Variants in CDK11B observed in about 807,000 individuals in gnomAD.
CDK11B encodes cyclin dependent kinase 11B, also known as cyclin-dependent kinase 11B.
Under a neutral mutation model 84.0 loss-of-function variants are expected in CDK11B, and 37 were observed. That is an observed-to-expected ratio of 0.44 (90% confidence interval 0.34 to 0.58). The LOEUF is 0.58. CDK11B is among the 20% of genes least tolerant of loss of function. The pLI is 0.02. For missense variants in CDK11B, 427 were observed against 834.0 expected (o/e 0.51, Z 6.01); for synonymous variants, 269 against 309.8 (o/e 0.87, Z 1.38).
At chr1:1,650,666 T>TC in intron 4 of CDK11B, among the ~76,000 whole-genome samples, 1 of 15,298 alleles carries the variant, frequency 6.5e-5, no homozygotes, top group East Asian at 1.7e-3. Context: ...CGCCCGGCCT[T>TC]TTTTTTTTTT....
At chr1:1,652,748 T>C (rs1412260291) in intron 3 of CDK11B, among the ~76,000 whole-genome samples, 182 bp from the exon 4 acceptor site, 1 of 152,228 alleles carries the variant, frequency 6.6e-6, no homozygotes, top group Non-Finnish European at 1.5e-5. Flanking sequence ...TTTTTCTTTT[T>C]TTTAGACAGT....
Position 1,637,106 on chromosome 1 carries a change from A to G in CDK11B, c.1667T>C (p.Leu556Pro), listed in dbSNP as rs1639452922. 1 of 1,613,520 alleles carries G rather than the reference A, an allele frequency of 6.2e-7. No individual in the cohort carries two copies. ...CTTGAGGATGCCGGCGTGGCTCAGC[A>G]GCAGGTTGGACGTCTTGAGGTCACG... is the stretch of plus-strand genomic sequence containing the variant. The part of the protein sequence containing the change: ...LHRDLKTSNL[L>P]LSHAGILKVG... Residue 556 changes from leucine (L) to proline (P), a missense_variant, in exon 15 of 20, where the codon CTG becomes CCG. Transcript: ENST00000341832.
At chr1:1,653,934 G>A (rs4648761) in intron 3 of CDK11B, among the ~76,000 whole-genome samples, 51,393 of 151,142 alleles carry the variant, frequency 0.34, 9,610 homozygotes, top group African/African-American at 0.49. Context: ...ACTTGAACCC[G>A]GGAGCTGGAG....
chr1:1,652,440 C>G lies in CDK11B; in HGVS notation c.354G>C (p.Gly118=). ...KRRHRSHSAE[G]GKHARVKEKE... ...CAAAGAAAGTAAATGCTTCTGTACC[C>G]CCTTCTGCTGAATGGCTACGATGCC... The change falls in exon 4 of 20, where the codon GGG becomes GGC. Residue 118 remains glycine, a splice_region_variant and synonymous_variant. Coordinates refer to ENST00000341832, the MANE Select transcript of CDK11B (RefSeq NM_033486.3). 1 of 1,497,980 alleles carries G rather than the reference C, an allele frequency of 6.7e-7. No homozygotes were observed. Among genetic ancestry groups the G allele is most frequent in the South Asian group, 1.4e-5 (1 of 71,144 alleles). 92.8% of individuals were successfully genotyped at this position (1,497,980 alleles called of 1,614,324 possible).
chr1:1,657,413 C>T lies in CDK11B; in HGVS notation c.73G>A (p.Glu25Lys), dbSNP rs1456532562. 1 of 1,580,720 alleles carries T rather than the reference C, an allele frequency of 6.3e-7. No individual in the cohort carries two copies. Among genetic ancestry groups the T allele is most frequent in the South Asian group, 1.2e-5 (1 of 86,266 alleles). The change falls in exon 2 of 20, where the codon GAA becomes AAA. Residue 25 changes from glutamate (E) to lysine (K), a missense_variant. Coordinates refer to ENST00000341832, the MANE Select transcript of CDK11B (RefSeq NM_033486.3). ...EILQEKKRRK[E>K]QEEKAEIKRL... ...TTTATCTCTGCTTTCTCCTCTTGTT[C>T]CTTCCTTCGTTTCTTTTCCTGAAGA...
intron 5 of CDK11B, chr1:1,645,765 G>A (rs1420268297): frequency 5.1e-5 from 17 of 336,476 alleles, no homozygotes; most frequent in Non-Finnish European, 9.2e-5. Flanking sequence ...GTGGTTAGAT[G>A]CATTCACACG....
At chr1:1,644,693 CTA>C (rs1640754217) in intron 6 of CDK11B, among the ~76,000 whole-genome samples, 1 of 148,474 alleles carries the variant, frequency 6.7e-6, no homozygotes, top group South Asian at 2.1e-4. Flanking sequence ...ACGTGGGTGA[CTA>C]TAAAAGCTCG....
intron 1 of CDK11B, 116 bp downstream of exon 1, chr1:1,658,798 G>A (rs1473801306): frequency 6.5e-6 from 1 of 153,726 alleles, no homozygotes; most frequent in Non-Finnish European, 1.5e-5. Flanking sequence ...CGGAAGCGAG[G>A]GTGTCGCTCG....
chr1:1,637,982 C>T (rs1009140763), intron 12 of CDK11B, 99 bp from the exon 13 acceptor site: 214 of 1,539,538 alleles, frequency 1.4e-4, no homozygotes, highest in Non-Finnish European at 1.8e-4. Flanking sequence ...CCCAAAGCGC[C>T]AGCATTTCAC....
At chr1:1,647,494 T>C (rs1641322361) in intron 5 of CDK11B, among the ~76,000 whole-genome samples, 2 of 152,254 alleles carry the variant, frequency 1.3e-5, no homozygotes, top group African/African-American at 4.8e-5. Flanking sequence ...CTGCACAGCT[T>C]AGCAATTAGC....
rs1471297763 is a variant in CDK11B at position 1,658,993 on chromosome 1, AG to A, written c.-94del. On this transcript the variant is annotated 5_prime_UTR_variant, in exon 1 of 20. Transcript: ENST00000341832. ...GAAACAGCAACCGGCGCGCGCCAAA[AG>A]TATCGTCACTTCCTGTATTGGCGCG... is the stretch of plus-strand genomic sequence containing the variant. The A allele has an allele frequency of 5.1e-6, 1 of 195,742 alleles. No individual in the cohort carries two copies. The highest frequency in any genetic ancestry group is 1.0e-5 in the Non-Finnish European group (1 of 95,368). The allele number at this position is 195,742 out of a possible 1,614,324, so 12.1% of individuals were successfully genotyped here.
At position 1,650,268 on chromosome 1, in the gene CDK11B, C is replaced by CAAAAAAAAAAAAAAAAAA. The variant is rs1212256890; in HGVS notation, c.356-632_356-631insTTTTTTTTTTTTTTTTTT. On this transcript the variant is annotated intron_variant, in intron 4 of 19. Transcript: ENST00000341832. ...CTGGGTGACAAGCAAGACTCCGTCCCAAAAAAAAAAAAAAAAGAAATTAAA... is the reference window on the plus strand; with the variant it reads ...CTGGGTGACAAGCAAGACTCCGTCCCAAAAAAAAAAAAAAAAAAAAAAAAAAAAAAAAAAGAAATTAAA... Among the ~76,000 whole-genome samples, 92 of 45,752 alleles carry CAAAAAAAAAAAAAAAAAA rather than the reference C, an allele frequency of 2.0e-3. 4 individuals carry two copies. The highest frequency in any genetic ancestry group is 4.9e-3 in the African/African-American group (55 of 11,224). The allele number at this position is 45,752 out of a possible 152,430, so 30.0% of individuals were successfully genotyped here. A position where few individuals can be genotyped will look rare whatever the true frequency, so the allele number is the denominator to read the frequency against.
In CDK11B at chr1:1,651,625, A is replaced by G. The variant is rs1570199435; in HGVS notation, c.355+814T>C. Among the ~76,000 whole-genome samples, 4 of 135,506 alleles carry G rather than the reference A, an allele frequency of 3.0e-5. No homozygotes were observed. In the East Asian group the frequency reaches 8.0e-4, roughly 27 times the overall value. The allele number at this position is 135,506 out of a possible 152,430, so 88.9% of individuals were successfully genotyped here. On this transcript the variant is annotated intron_variant, in intron 4 of 19. Coordinates refer to ENST00000341832, the MANE Select transcript of CDK11B (RefSeq NM_033486.3). Reference sequence around the variant, plus strand: ...CTGGGACACATGCATGCTTTTAGCTAGAGTTTGCTCTGTATAGCCCTTCTG... The same window carrying G: ...CTGGGACACATGCATGCTTTTAGCTGGAGTTTGCTCTGTATAGCCCTTCTG...
Position 1,636,792 on chromosome 1 carries a change from A to C in CDK11B, c.1807T>G (p.Ser603Ala). The C allele has an allele frequency of 6.2e-7, 1 of 1,613,874 alleles. No individual in the cohort carries two copies. Among genetic ancestry groups the C allele is most frequent in the Admixed American group, 1.7e-5 (1 of 60,018 alleles). Residue 603 changes from serine (S) to alanine (A), a missense_variant, in exon 17 of 20, where the codon TCC becomes GCC. By Grantham distance (99) the Ser-to-Ala change is moderately conservative. Around this residue, in one of 12 missense-constraint regions of CDK11B, gnomAD observed 170 missense variants for 196.0 expected, o/e 0.87. Coordinates refer to ENST00000341832, the MANE Select transcript of CDK11B (RefSeq NM_033486.3). ...PELLLGAKEY[S>A]TAVDMWSVGC... ...ACTGACCACATGTCCACGGCCGTGG[A>C]GTATTCCTAAGAGGTCAGGAGAGGT...
In CDK11B at chr1:1,652,615, A is replaced by C. The variant is rs1230490016; in HGVS notation, c.228-49T>G. ...GCATCATGCTTGAGAAAGTGCAAAGAAGCATCAGGCTATTATAAGGTTTCT... is the reference window on the plus strand; with the variant it reads ...GCATCATGCTTGAGAAAGTGCAAAGCAGCATCAGGCTATTATAAGGTTTCT... On this transcript the variant is annotated intron_variant, in intron 3 of 19. Transcript: ENST00000341832. 1.4e-5 allele frequency: 19 copies of C among 1,326,610 alleles called. No homozygotes were observed. In the African/African-American group the frequency reaches 2.3e-4, roughly 16 times the overall value. The allele number at this position is 1,326,610 out of a possible 1,614,324, so 82.2% of individuals were successfully genotyped here. A position where few individuals can be genotyped will look rare whatever the true frequency, so the allele number is the denominator to read the frequency against.
At chr1:1,658,839 G>C (rs1643157043) in intron 1 of CDK11B, 75 bp downstream of exon 1, 1 of 154,922 alleles carries the variant, frequency 6.5e-6, no homozygotes. Flanking sequence ...CCGCTCCGAG[G>C]CCTGCTCGGA....
intron 4 of CDK11B, among the ~76,000 whole-genome samples, chr1:1,650,139 G>C (rs1331221753): frequency 1.3e-5 from 2 of 148,170 alleles, no homozygotes. Context: ...GTGTGGTGGC[G>C]GGCACCTGTA....
At position 1,648,460 on chromosome 1, in the gene CDK11B, C is replaced by T. The variant is rs540132474; in HGVS notation, c.494+1039G>A. Among the ~76,000 whole-genome samples, 122 of 151,860 alleles carry T rather than the reference C, an allele frequency of 8.0e-4. No individual in the cohort carries two copies. The South Asian group carries it at 0.024, about 29-fold the overall frequency. ...ACCCTTCGGCATCAACAAGAACCAG[C>T]GCCCTCTCATCATCTTTACATGCTG... On this transcript the variant is annotated intron_variant, in intron 5 of 19. Coordinates refer to ENST00000341832, the MANE Select transcript of CDK11B (RefSeq NM_033486.3).
At position 1,636,740 on chromosome 1, in the gene CDK11B, G is replaced by A; in HGVS notation, c.1859C>T (p.Thr620Ile). The change falls in exon 17 of 20, where the codon ACT becomes ATT. Residue 620 changes from threonine to isoleucine, a missense_variant. Transcript: ENST00000341832. ...CTTCCCGGGGAACAGAGGCTTCTGA[G>A]TCAGCAGCTCCCCGAAGATGCAACC... The part of the protein sequence containing the change: ...SVGCIFGELL[T>I]QKPLFPGKSE... 2.5e-6 allele frequency: 4 copies of A among 1,613,996 alleles called. No individual in the cohort carries two copies. Among genetic ancestry groups the A allele is most frequent in the East Asian group, 2.2e-5 (1 of 44,878 alleles).
Sources: allele counts gnomAD v4.1 joint callset (sites outside exome capture counted in the v4.1 genomes callset), GRCh38; gene constraint gnomAD v4.1.1; regional missense constraint gnomAD v4.1.1; transcripts MANE v1.5; gene names NCBI Gene and HGNC (gene_info 2026-07-23, HGNC 2026-07-21).